ZNF257: variants seen among roughly 807,000 people sequenced by gnomAD.
ZNF257 encodes the protein zinc finger protein 257.
A neutral mutation model predicts 11.9 loss-of-function variants in ZNF257; 12 were observed. The ratio of observed to expected loss-of-function variants is 1.01; its 90% CI spans 0.65 to 1.63. ZNF257 has a LOEUF of 1.63. ZNF257 is among the 40% of genes most tolerant of loss of function. The pLI, the probability that ZNF257 is intolerant of heterozygous loss-of-function variation, is 0.00. For synonymous variants in ZNF257, 183 were observed against 222.7 expected (o/e 0.82, Z 1.59); for missense variants, 580 against 665.5 (o/e 0.87, Z 1.41).
At chr19:22,080,171 G>T (rs1246273529) in intron 3 of ZNF257, among the ~76,000 whole-genome samples, 49 of 151,968 alleles carry the variant, frequency 3.2e-4, no homozygotes, top group Admixed American at 6.6e-5. Flanking sequence ...GTAGGAACAG[G>T]GTCTCACTAT....
chr19:22,064,932 T>C (rs1323399251), intron 1 of ZNF257, among the ~76,000 whole-genome samples: 2 of 151,618 alleles, frequency 1.3e-5, no homozygotes, highest in African/African-American at 4.8e-5. Context: ...CACGCGCCTA[T>C]AGTCCCAGCT....
At position 22,089,558 on chromosome 19, in the gene ZNF257, C is replaced by T; in HGVS notation, c.*116C>T. 6 of 1,479,412 alleles carry T rather than the reference C, an allele frequency of 4.1e-6. No individual in the cohort carries two copies. The highest frequency in any genetic ancestry group is 5.4e-6 in the Non-Finnish European group (6 of 1,120,682). The allele number at this position is 1,479,412 out of a possible 1,614,324, so 91.6% of individuals were successfully genotyped here. On this transcript the variant is annotated 3_prime_UTR_variant, in exon 4 of 4. Transcript: ENST00000594947. ...AACCCTACAAATGTGAAGAACGTGG[C>T]CTGGCTTTTAACAAATCCTCAACAT...
At chr19:22,059,073 G>GGCCA (rs2021722678) in intron 1 of ZNF257, among the ~76,000 whole-genome samples, 1 of 151,962 alleles carries the variant, frequency 6.6e-6, no homozygotes, top group African/African-American at 2.4e-5. Context: ...GTCACACCTG[G>GGCCA]GCCACTATCT....
At chr19:22,084,876 CA>C in intron 3 of ZNF257, among the ~76,000 whole-genome samples, 1 of 151,768 alleles carries the variant, frequency 6.6e-6, no homozygotes, top group Non-Finnish European at 1.5e-5. Flanking sequence ...ATTATAGGCG[CA>C]TGCCACCAGG....
In ZNF257 at chr19:22,088,233, T is replaced by C. The variant is rs754394028; in HGVS notation, c.483T>C (p.Asp161=). 4 of 1,609,364 alleles carry C rather than the reference T, an allele frequency of 2.5e-6. No individual in the cohort carries two copies. In the South Asian group the frequency reaches 4.4e-5, roughly 18 times the overall value. Residue 161 remains aspartate, a synonymous_variant, in exon 4 of 4, where the codon GAT becomes GAC. Coordinates refer to ENST00000594947, the MANE Select transcript of ZNF257 (RefSeq NM_033468.4). ...TCTTCTATAAGTTTTCAAATTCAGA[T>C]AGACATAAGATAAGACATACTGAAA... is the stretch of plus-strand genomic sequence containing the variant. ...VKVFYKFSNS[D]RHKIRHTEKK... is the part of the protein sequence containing the mutation.
At chr19:22,058,982 C>A (rs1281861883) in intron 1 of ZNF257, among the ~76,000 whole-genome samples, 1 of 152,114 alleles carries the variant, frequency 6.6e-6, no homozygotes, top group Non-Finnish European at 1.5e-5. Flanking sequence ...GCAGCAGCAA[C>A]CTGTTTTCTC....
chr19:22,058,109 C>T (rs1309939876), intron 1 of ZNF257, among the ~76,000 whole-genome samples: 4 of 138,412 alleles, frequency 2.9e-5, no homozygotes, highest in Admixed American at 1.5e-4. Context: ...TGTGCAGAGT[C>T]TGTGTCTGGC....
intron 1 of ZNF257, among the ~76,000 whole-genome samples, chr19:22,071,524 C>T (rs1214226380): frequency 1.3e-5 from 2 of 151,792 alleles, no homozygotes; most frequent in South Asian, 2.1e-4. Flanking sequence ...AGAGCTGTGT[C>T]CACTCTGCCT....
chr19:22,071,322 G>A (rs935950184), intron 1 of ZNF257, among the ~76,000 whole-genome samples: 1 of 152,140 alleles, frequency 6.6e-6, no homozygotes, highest in Non-Finnish European at 1.5e-5. Flanking sequence ...GAAATGGATG[G>A]AATGTTTCTG....
chr19:22,088,610 A>G lies in ZNF257; in HGVS notation c.860A>G (p.Tyr287Cys), dbSNP rs371360414. The change falls in exon 4 of 4, where the codon TAT becomes TGT. Residue 287 changes from tyrosine to cysteine, a missense_variant. By Grantham distance (194) the Tyr-to-Cys change is radical. Coordinates refer to ENST00000594947, the MANE Select transcript of ZNF257 (RefSeq NM_033468.4). ...CATAATAGAGAGAAGCCCTTCAAAT[A>G]TGATGAATGTTGCAAAGCCTTTAAG... The part of the protein sequence containing the change: ...RIHNREKPFK[Y>C]DECCKAFKWS... 8.1e-6 allele frequency: 13 copies of G among 1,607,964 alleles called. No individual in the cohort carries two copies. The highest frequency in any genetic ancestry group is 4.5e-5 in the East Asian group (2 of 44,484).
At position 22,073,477 on chromosome 19, in the gene ZNF257, G is replaced by A; in HGVS notation, c.139G>A (p.Val47Ile). 1.2e-6 allele frequency: 2 copies of A among 1,606,292 alleles called. No homozygotes were observed. Among genetic ancestry groups the A allele is most frequent in the South Asian group, 1.1e-5 (1 of 89,452 alleles). The change falls in exon 3 of 4, where the codon GTC becomes ATC. Residue 47 changes from valine to isoleucine, a missense_variant. Val to Ile is a conservative substitution (Grantham distance 29). Coordinates refer to ENST00000594947, the MANE Select transcript of ZNF257 (RefSeq NM_033468.4). Reference sequence around the variant, plus strand: ...TTATTTTTAAAAAACAGGTATTGCTGTCTCTAAGCCAGACCTGATCACCTG... The same window carrying A: ...TTATTTTTAAAAAACAGGTATTGCTATCTCTAAGCCAGACCTGATCACCTG... Reference protein sequence around the residue: ...YRNLVFLGIAVSKPDLITCLE... With the variant: ...YRNLVFLGIAISKPDLITCLE...
intron 2 of ZNF257, 65 bp from the exon 3 acceptor site, chr19:22,073,404 C>T (rs1474303892): frequency 2.7e-6 from 4 of 1,493,636 alleles, no homozygotes; most frequent in Non-Finnish European, 3.6e-6. Flanking sequence ...CTTTATTGAG[C>T]ACATTACTAA....
At chr19:22,072,703 C>T (rs1270228221) in intron 1 of ZNF257, 106 bp from the exon 2 acceptor site, 3 of 1,372,480 alleles carry the variant, frequency 2.2e-6, no homozygotes, top group East Asian at 2.4e-5. Context: ...TCCAATAAGG[C>T]AGAACCTGTT....
intron 1 of ZNF257, among the ~76,000 whole-genome samples, chr19:22,069,826 TA>T (rs1031406060): frequency 3.3e-5 from 5 of 152,114 alleles, no homozygotes; most frequent in African/African-American, 1.2e-4. Context: ...GGGCAGTAGC[TA>T]AAAAAGATTA....
At chr19:22,065,453 G>A (rs2021920019) in intron 1 of ZNF257, among the ~76,000 whole-genome samples, 1 of 152,116 alleles carries the variant, frequency 6.6e-6, no homozygotes, top group Non-Finnish European at 1.5e-5. Flanking sequence ...ACCCACCTCG[G>A]CCTTCCAAAG....
chr19:22,078,810 G>C (rs944444506), intron 3 of ZNF257, among the ~76,000 whole-genome samples: 2 of 48,928 alleles, frequency 4.1e-5, no homozygotes, highest in African/African-American at 9.3e-5. Flanking sequence ...TTTTTTTTTT[G>C]AGACGGAGTT....
At position 22,088,961 on chromosome 19, in the gene ZNF257, A is replaced by T. The variant is rs772455395; in HGVS notation, c.1211A>T (p.Glu404Val). 6.2e-7 allele frequency: 1 copy of T among 1,612,512 alleles called. No homozygotes were observed. The highest frequency in any genetic ancestry group is 8.5e-7 in the Non-Finnish European group (1 of 1,179,436). Residue 404 changes from glutamate (E) to valine (V), a missense_variant, in exon 4 of 4, where the codon GAA becomes GTA. By Grantham distance (121) the Glu-to-Val change is moderately radical. Coordinates refer to ENST00000594947, the MANE Select transcript of ZNF257 (RefSeq NM_033468.4). ...AGAGAGAAGGCCTACAAATGTGATG[A>T]ATATTGCAAAGCTTTTAACTGGTCC... Reference protein sequence around the residue: ...HTREKAYKCDEYCKAFNWSSA... With the variant: ...HTREKAYKCDVYCKAFNWSSA...
intron 3 of ZNF257, among the ~76,000 whole-genome samples, chr19:22,077,315 T>C (rs1304321847): frequency 6.6e-6 from 1 of 151,926 alleles, no homozygotes; most frequent in African/African-American, 2.4e-5. Context: ...TAAGATCCTG[T>C]TTCAAAAAAA....
chr19:22,058,909 T>G (rs940572477), intron 1 of ZNF257, among the ~76,000 whole-genome samples: 3 of 151,926 alleles, frequency 2.0e-5, no homozygotes, highest in Admixed American at 6.6e-5. Flanking sequence ...TGTTTTTTTT[T>G]GCCAAAAACC....
Sources: allele counts gnomAD v4.1 joint callset (sites outside exome capture counted in the v4.1 genomes callset), GRCh38; gene constraint gnomAD v4.1.1; transcripts MANE v1.5; gene names NCBI Gene and HGNC (gene_info 2026-07-23, HGNC 2026-07-21).